The following FAM13B variants were observed in gnomAD, a reference collection of about 807,000 sequenced individuals.
FAM13B encodes the protein protein FAM13B.
A neutral mutation model predicts 117.3 loss-of-function variants in FAM13B; 60 were observed. The observed-to-expected ratio is 0.51, with a 90% confidence interval of 0.42 to 0.63. FAM13B has a LOEUF of 0.63. Among genes scored for constraint, FAM13B ranks in the 30% least tolerant of loss-of-function variants. FAM13B has a pLI of 0.00. For synonymous variants in FAM13B, 332 were observed against 356.1 expected, an observed-to-expected ratio of 0.93 and a Z score of 0.76; for missense variants, 972 against 1,091.9, an observed-to-expected ratio of 0.89 and a Z score of 1.55.
rs552823963 is a variant in FAM13B at position 138,009,385 on chromosome 5, T to C, written c.690+1623A>G. Among the ~76,000 whole-genome samples the C allele has an allele frequency of 2.0e-5, 3 of 152,196 alleles. No individual in the cohort carries two copies. In the East Asian group the frequency reaches 5.8e-4, roughly 29 times the overall value. ...AGATCAGGTTTTAAAGTAGATCTAA[T>C]GGGAAATTATCCTCTTTCCCCATCT... On this transcript the variant is annotated intron_variant, in intron 6 of 23. Transcript: ENST00000689681.
chr5:138,001,537 T>C (rs1298180839), intron 7 of FAM13B, among the ~76,000 whole-genome samples: 2 of 152,216 alleles, frequency 1.3e-5, no homozygotes, highest in Non-Finnish European at 2.9e-5. Flanking sequence ...ATTCAACAAG[T>C]AATACTTTAC....
intron 1 of FAM13B, among the ~76,000 whole-genome samples, chr5:138,041,157 C>T (rs1791490889): frequency 6.6e-6 from 1 of 151,608 alleles, no homozygotes; most frequent in South Asian, 2.1e-4. Context: ...ACAATAGAAG[C>T]CAAATGATAC....
chr5:137,962,348 T>A, intron 11 of FAM13B, 57 bp downstream of exon 11: 1 of 1,495,376 alleles, frequency 6.7e-7, no homozygotes, highest in East Asian at 2.3e-5. Context: ...ACCTCAAAAA[T>A]CTGTGAAGAG....
Position 138,032,842 on chromosome 5 carries a change from G to C in FAM13B, c.-263C>G, listed in dbSNP as rs1037932846. 69 of 985,634 alleles carry C rather than the reference G, an allele frequency of 7.0e-5. No homozygotes were observed. Among genetic ancestry groups the C allele is most frequent in the African/African-American group, 1.0e-4 (6 of 57,236 alleles). 61.1% of individuals were successfully genotyped at this position (985,634 alleles called of 1,614,324 possible). On this transcript the variant is annotated 5_prime_UTR_variant, in exon 1 of 24. Coordinates refer to ENST00000689681, the MANE Select transcript of FAM13B (RefSeq NM_001385994.1). ...CCGCTTCTCCAGGACCCGCGGCGAC[G>C]GCAAGAGGGCGAGAACTGAGGCCCC...
At chr5:137,954,815 TCTCA>T (rs1766045501) in intron 14 of FAM13B, among the ~76,000 whole-genome samples, 1 of 151,898 alleles carries the variant, frequency 6.6e-6, no homozygotes, top group Non-Finnish European at 1.5e-5. Flanking sequence ...AGAGACGAGG[TCTCA>T]CTATGTTGGC....
chr5:137,983,295 T>C (rs979299984), intron 10 of FAM13B, among the ~76,000 whole-genome samples: 37 of 151,044 alleles, frequency 2.4e-4, no homozygotes, highest in African/African-American at 8.8e-4. Flanking sequence ...AACCTTGCTG[T>C]TAGGTCAAGT....
At chr5:138,018,151 A>G in intron 4 of FAM13B, 151 bp downstream of exon 4, 1 of 696,296 alleles carries the variant, frequency 1.4e-6, no homozygotes, top group Non-Finnish European at 2.4e-6. Flanking sequence ...CTTTCCTATG[A>G]CAAGATCATA....
intron 7 of FAM13B, among the ~76,000 whole-genome samples, chr5:137,990,913 A>C (rs1471962186): frequency 6.6e-6 from 1 of 152,192 alleles, no homozygotes; most frequent in Admixed American, 6.5e-5. Flanking sequence ...TTAATGAGTA[A>C]AAATTTCTTA....
At chr5:137,980,505 C>T (rs1354183826) in intron 10 of FAM13B, among the ~76,000 whole-genome samples, 3 of 148,344 alleles carry the variant, frequency 2.0e-5, no homozygotes, top group East Asian at 4.0e-4. Flanking sequence ...TGCAGTGGCA[C>T]GATCTCAGCT....
At chr5:138,014,762 T>C (rs1464485890) in intron 4 of FAM13B, among the ~76,000 whole-genome samples, 1 of 152,224 alleles carries the variant, frequency 6.6e-6, no homozygotes. Flanking sequence ...ATCCAAAGTT[T>C]TGTTTGGCTA....
chr5:138,051,024 G>T lies in FAM13B; in HGVS notation c.-203+854C>A, dbSNP rs115377920. Reference sequence around the variant, plus strand: ...AAAAGCATATGTAGCATATTAGTGGGGGGGGGAGAATGAAAAGCAAAACTC... The same window carrying T: ...AAAAGCATATGTAGCATATTAGTGGTGGGGGGAGAATGAAAAGCAAAACTC... On this transcript the variant is annotated intron_variant, in intron 1 of 3. Transcript: ENST00000502471. Among the ~76,000 whole-genome samples, 284 of 152,120 alleles carry T rather than the reference G, an allele frequency of 1.9e-3. 2 individuals are homozygous for T. The highest frequency in any genetic ancestry group is 6.5e-3 in the African/African-American group (271 of 41,504).
rs1298852143 is a variant in FAM13B, at chr5:138,019,030, G to C, written c.82C>G (p.Leu28Val). The part of the protein sequence containing the change: ...NKIFGIPLDE[L>V]QQGGHPDNEV... ...TTGTCTGGATGTCCTCCCTGCTGCAGCTCATCAAGTGGAATTCCAAATATT... is the reference window on the plus strand; with the variant it reads ...TTGTCTGGATGTCCTCCCTGCTGCACCTCATCAAGTGGAATTCCAAATATT... The change falls in exon 3 of 24, where the codon CTG becomes GTG. Residue 28 changes from leucine (L) to valine (V), a missense_variant. Leu to Val is a conservative substitution (Grantham distance 32, BLOSUM62 1). Coordinates refer to ENST00000689681, the MANE Select transcript of FAM13B (RefSeq NM_001385994.1). The C allele has an allele frequency of 3.1e-6, 5 of 1,614,116 alleles. No homozygotes were observed. The African/African-American group carries it at 6.7e-5, about 22-fold the overall frequency.
intron 10 of FAM13B, among the ~76,000 whole-genome samples, chr5:137,966,986 T>A (rs565065946): frequency 2.6e-5 from 4 of 152,234 alleles, no homozygotes; most frequent in African/African-American, 9.6e-5. Context: ...AAATTCCAAA[T>A]GGGTCAAATA....
At chr5:137,979,921 G>C (rs1231400287) in intron 10 of FAM13B, among the ~76,000 whole-genome samples, 2 of 151,728 alleles carry the variant, frequency 1.3e-5, no homozygotes, top group African/African-American at 4.8e-5. Flanking sequence ...CAGCACTTTG[G>C]GAGGCCAAGG....
intron 17 of FAM13B, among the ~76,000 whole-genome samples, chr5:137,949,939 G>T (rs1202630364): frequency 1.3e-5 from 2 of 151,990 alleles, no homozygotes; most frequent in Non-Finnish European, 2.9e-5. Flanking sequence ...ATGCAGCCTG[G>T]GCAACAGAGT....
intron 7 of FAM13B, among the ~76,000 whole-genome samples, chr5:138,002,832 AT>A (rs377234068): frequency 0.2 from 27,322 of 138,814 alleles, 2,592 homozygotes; most frequent in African/African-American, 0.26. Context: ...CACCCGGCTA[AT>A]TTTTTTTTTT....
chr5:138,003,493 G>T (rs1781777710), intron 7 of FAM13B, among the ~76,000 whole-genome samples: 1 of 152,072 alleles, frequency 6.6e-6, no homozygotes, highest in South Asian at 2.1e-4. Context: ...GAAATGTATA[G>T]ATATTAACCG....
intron 7 of FAM13B, among the ~76,000 whole-genome samples, chr5:137,991,705 G>A (rs1177303440): frequency 6.6e-6 from 1 of 152,152 alleles, no homozygotes; most frequent in African/African-American, 2.4e-5. Context: ...AAATGAATGA[G>A]ATACAATTTG....
chr5:137,940,162 C>T lies in FAM13B; in HGVS notation c.*63G>A, dbSNP rs1045080646. 3.1e-6 allele frequency: 5 copies of T among 1,613,084 alleles called. No homozygotes were observed. The highest frequency in any genetic ancestry group is 4.2e-6 in the Non-Finnish European group (5 of 1,179,060). ...AACGAATTTAAGTACCAGCCAAGTA[C>T]ACACGATGATAGCTTCAAGGAATAC... On this transcript the variant is annotated 3_prime_UTR_variant, in exon 24 of 24. Transcript: ENST00000689681.
Sources: allele counts gnomAD v4.1 joint callset (sites outside exome capture counted in the v4.1 genomes callset), GRCh38; gene constraint gnomAD v4.1.1; transcripts MANE v1.5; gene names NCBI Gene and HGNC (gene_info 2026-07-23, HGNC 2026-07-21).